RXFP2: variants seen among roughly 807,000 people sequenced by gnomAD.
RXFP2 encodes relaxin receptor 2.
Under a neutral mutation model 88.6 loss-of-function variants are expected in RXFP2, and 68 were observed. The observed-to-expected ratio is 0.77, with a 90% CI of 0.63 to 0.94. The LOEUF (loss-of-function observed/expected upper bound fraction) is 0.94, where lower values mean the gene tolerates loss of function less well. RXFP2 is among the 40% of genes least tolerant of loss of function. The pLI is 0.00. For synonymous variants in RXFP2, 329 were observed against 306.8 expected (o/e 1.07, Z -0.76); for missense variants, 791 against 893.9 (o/e 0.88, Z 1.47).
chr13:31,745,259 T>C (rs1330428740), intron 1 of RXFP2, among the ~76,000 whole-genome samples: 3 of 152,076 alleles, frequency 2.0e-5, no homozygotes, highest in Admixed American at 6.6e-5. Context: ...TGGAAGAATG[T>C]TTCTCCTGCA....
intron 1 of RXFP2, among the ~76,000 whole-genome samples, chr13:31,746,102 A>G (rs74937320): frequency 1.4e-4 from 22 of 152,322 alleles, no homozygotes; most frequent in African/African-American, 5.3e-4. Context: ...ACCACTTGTC[A>G]TGATGTCAGA....
chr13:31,758,592 G>A (rs1222053506), intron 2 of RXFP2, among the ~76,000 whole-genome samples, 188 bp downstream of exon 2: 1 of 152,008 alleles, frequency 6.6e-6, no homozygotes, highest in African/African-American at 2.4e-5. Flanking sequence ...GTAGGTACAG[G>A]TTACTTAAGT....
At chr13:31,742,705 T>G (rs1380429538) in intron 1 of RXFP2, among the ~76,000 whole-genome samples, 2 of 152,224 alleles carry the variant, frequency 1.3e-5, no homozygotes, top group Non-Finnish European at 2.9e-5. Flanking sequence ...ATGTGAATTT[T>G]AGAGGCAAAA....
At chr13:31,775,220 C>G (rs971998158) in intron 6 of RXFP2, 98 bp from the exon 7 acceptor site, 3 of 974,656 alleles carry the variant, frequency 3.1e-6, no homozygotes, top group Admixed American at 1.7e-5. Flanking sequence ...ACGCAGATGT[C>G]CATATCCATA....
At chr13:31,746,957 G>A (rs141254169) in intron 1 of RXFP2, among the ~76,000 whole-genome samples, 2 of 151,896 alleles carry the variant, frequency 1.3e-5, no homozygotes, top group Admixed American at 6.6e-5. Flanking sequence ...CTTATACATA[G>A]GAAAAGGATA....
chr13:31,789,128 G>T lies in RXFP2; in HGVS notation c.1080G>T (p.Leu360=), dbSNP rs1263096600. 1.9e-6 allele frequency: 3 copies of T among 1,603,534 alleles called. No homozygotes were observed. Among genetic ancestry groups the T allele is most frequent in the East Asian group, 2.2e-5 (1 of 44,792 alleles). The change falls in exon 14 of 18, where the codon CTG becomes CTT. Residue 360 remains leucine (L), a synonymous_variant. Coordinates refer to ENST00000298386, the MANE Select transcript of RXFP2 (RefSeq NM_130806.5). ...ESLKQLQSLD[L]ERIEIPNINT... ...TATCGTGTGTATTTTCCAGAGACCT[G>T]GAAAGGATAGAGATTCCAAATATAA...
intron 1 of RXFP2, among the ~76,000 whole-genome samples, chr13:31,754,585 A>G (rs1241665763): frequency 6.6e-6 from 1 of 152,208 alleles, no homozygotes; most frequent in Non-Finnish European, 1.5e-5. Flanking sequence ...CCTGGAAGGA[A>G]ACATCACATG....
At chr13:31,796,428 T>A (rs1874052304) in intron 16 of RXFP2, among the ~76,000 whole-genome samples, 9 of 152,022 alleles carry the variant, frequency 5.9e-5, no homozygotes, top group Admixed American at 5.9e-4. Context: ...TTTATTTTTA[T>A]TCTTTTATTA....
chr13:31,752,775 C>G (rs995790172), intron 1 of RXFP2, among the ~76,000 whole-genome samples: 1 of 152,192 alleles, frequency 6.6e-6, no homozygotes, highest in Admixed American at 6.5e-5. Context: ...TCAGTGGAGC[C>G]GCCCGGGACA....
chr13:31,792,684 A>C lies in RXFP2; in HGVS notation c.1382A>C (p.Asp461Ala), dbSNP rs1206447572. 2 of 1,613,982 alleles carry C rather than the reference A, an allele frequency of 1.2e-6. No homozygotes were observed. The highest frequency in any genetic ancestry group is 2.7e-5 in the African/African-American group (2 of 74,922). The change falls in exon 16 of 18, where the codon GAT (aspartate) becomes GCT (alanine). Residue 461 changes from aspartate to alanine, a missense_variant. Transcript: ENST00000298386. ...TGTTTCAATTCTTCCACAGGTGCTG[A>C]TTGCCTGATGGGTGTTTACTTGTTC... ...AMSIKILCCA[D>A]CLMGVYLFFV...
chr13:31,777,380 C>G lies in RXFP2; in HGVS notation c.646C>G (p.Leu216Val). Residue 216 changes from leucine to valine, a missense_variant, in exon 8 of 18, where the codon CTA becomes GTA. Leu to Val is a conservative substitution (Grantham distance 32). Transcript: ENST00000298386. ...TTTCTTGATACATTTTGTCAGAATT[C>G]TAGATGACAATCCAATAACCAGAAT... ...KDLHQLTWLILDDNPITRISQ... is the reference protein window; with the variant it reads ...KDLHQLTWLIVDDNPITRISQ... 1 of 1,608,766 alleles carries G rather than the reference C, an allele frequency of 6.2e-7. No individual in the cohort carries two copies. The highest frequency in any genetic ancestry group is 8.5e-7 in the Non-Finnish European group (1 of 1,175,770).
At chr13:31,758,144 T>C in intron 1 of RXFP2, 114 bp from the exon 2 acceptor site, 1 of 1,046,366 alleles carries the variant, frequency 9.6e-7, no homozygotes, top group Non-Finnish European at 1.5e-6. Context: ...AACTGTGCAC[T>C]AAGAATAATA....
chr13:31,789,249 C>A lies in RXFP2; in HGVS notation c.1145+56C>A. 5.6e-6 allele frequency: 6 copies of A among 1,066,120 alleles called. 1 individual carries two copies. The highest frequency in any genetic ancestry group is 5.0e-5 in the South Asian group (4 of 80,062). 66.0% of individuals were successfully genotyped at this position (1,066,120 alleles called of 1,614,324 possible). ...CATGGTAAAATGCTTCAAATTATCT[C>A]CTGTAAACTGTCTAATGTATCACTG... On this transcript the variant is annotated intron_variant, in intron 14 of 17. Coordinates refer to ENST00000298386, the MANE Select transcript of RXFP2 (RefSeq NM_130806.5).
chr13:31,748,990 C>T (rs1428245280), intron 1 of RXFP2, among the ~76,000 whole-genome samples: 1 of 151,886 alleles, frequency 6.6e-6, no homozygotes, highest in African/African-American at 2.4e-5. Flanking sequence ...AGCAAGATTC[C>T]ATCTCAAAAA....
At chr13:31,760,085 T>A (rs1299514916) in intron 2 of RXFP2, among the ~76,000 whole-genome samples, 1 of 149,080 alleles carries the variant, frequency 6.7e-6, no homozygotes, top group African/African-American at 2.4e-5. Context: ...TGTTTGTTTG[T>A]TTGTTTGTTT....
At chr13:31,758,217 G>T (rs1299795345) in intron 1 of RXFP2, 41 bp from the exon 2 acceptor site, 1 of 1,611,842 alleles carries the variant, frequency 6.2e-7, no homozygotes, top group East Asian at 2.2e-5. Flanking sequence ...GAGAGAGCTT[G>T]GCCATGGTAA....
chr13:31,746,938 G>A (rs1370179560), intron 1 of RXFP2, among the ~76,000 whole-genome samples: 1 of 152,102 alleles, frequency 6.6e-6, no homozygotes, highest in East Asian at 1.9e-4. Context: ...TGATAGTTAT[G>A]TAAACTTTCT....
rs547114179 is a variant in RXFP2, at chr13:31,789,734, G to C, written c.1145+541G>C. ...GTTCATAATTATTTCTTTATCAACT[G>C]TGTAATCTATGTGTTCATGACTTCA... On this transcript the variant is annotated intron_variant, in intron 14 of 17. Transcript: ENST00000298386. Among the ~76,000 whole-genome samples, 8 of 152,256 alleles carry C rather than the reference G, an allele frequency of 5.3e-5. No homozygotes were observed. The East Asian group carries it at 1.5e-3, about 29-fold the overall frequency.
At chr13:31,792,578 A>T in intron 15 of RXFP2, 100 bp from the exon 16 acceptor site, 2 of 1,145,660 alleles carry the variant, frequency 1.7e-6, no homozygotes, top group South Asian at 1.3e-5. Context: ...AAGGAACTAG[A>T]TCTAATTAGA....
Sources: allele counts gnomAD v4.1 joint callset (sites outside exome capture counted in the v4.1 genomes callset), GRCh38; gene constraint gnomAD v4.1.1; transcripts MANE v1.5; gene names NCBI Gene and HGNC (gene_info 2026-07-23, HGNC 2026-07-21).